OR4Q3: variants seen among roughly 807,000 people sequenced by gnomAD.
The protein encoded by OR4Q3 is olfactory receptor family 4 subfamily Q member 3, also known as olfactory receptor 4Q3.
Under a neutral mutation model 18.8 loss-of-function variants are expected in OR4Q3, and 17 were observed. The observed-to-expected ratio is 0.91, with a 90% CI of 0.62 to 1.36. The LOEUF (loss-of-function observed/expected upper bound fraction) is 1.36. Among genes scored for constraint, OR4Q3 ranks in the 40% most tolerant of loss-of-function variants. The pLI, the probability that OR4Q3 is intolerant of heterozygous loss-of-function variation, is 0.00. For synonymous variants in OR4Q3, 158 were observed against 145.8 expected (o/e 1.08, Z -0.60); for missense variants, 378 against 373.4 (o/e 1.01, Z -0.10).
exon 2 of OR4Q3, chr14:19,747,778 A>G: frequency 6.2e-7 from 1 of 1,614,036 alleles, no homozygotes; most frequent in Non-Finnish European, 8.5e-7. Flanking sequence ...TTTTGCTGAC[A>G]GTCATGGCCT....
downstream of OR4Q3, among the ~76,000 whole-genome samples, chr14:19,750,901 G>C: frequency 4.6e-5 from 7 of 152,230 alleles, no homozygotes; most frequent in Non-Finnish European, 1.0e-4. Context: ...CTGAAGAGCA[G>C]TATGATATCC....
chr14:19,747,528 T>C lies in OR4Q3; in HGVS notation c.125T>C (p.Phe42Ser). ...TTTCTCTTCTTACTATTTTTGTTTT[T>C]TTACATTGCTATTGTCCTGGGAAAC... is the stretch of plus-strand genomic sequence containing the variant. The change falls in exon 2 of 2, where the codon TTT (phenylalanine) becomes TCT (serine). Residue 42 changes from phenylalanine to serine, a missense_variant. Transcript: ENST00000642117. 28 of 1,613,624 alleles carry C rather than the reference T, an allele frequency of 1.7e-5. No individual in the cohort carries two copies. The African/African-American group carries it at 3.6e-4, about 21-fold the overall frequency.
At chr14:19,751,533 G>GTT, downstream of OR4Q3, among the ~76,000 whole-genome samples, 1 of 147,534 alleles carries the variant, frequency 6.8e-6, no homozygotes. Flanking sequence ...GGTTAGTAGA[G>GTT]TTTTTTTTTT....
chr14:19,749,995 T>A, downstream of OR4Q3, among the ~76,000 whole-genome samples: 1 of 151,392 alleles, frequency 6.6e-6, no homozygotes, highest in African/African-American at 2.4e-5. Context: ...CTTCTTCTTT[T>A]TTTTTTGAGA....
downstream of OR4Q3, among the ~76,000 whole-genome samples, chr14:19,752,157 A>G: frequency 2.4e-4 from 37 of 152,348 alleles, no homozygotes; most frequent in East Asian, 4.1e-3. Context: ...AACAAAACCA[A>G]AAATTGACAA....
chr14:19,748,704 C>A, exon 2 of OR4Q3: 1 of 259,580 alleles, frequency 3.9e-6, no homozygotes. Flanking sequence ...TTAATCTATT[C>A]AAATGAAAGA....
exon 2 of OR4Q3, chr14:19,748,324 G>A: frequency 1.2e-6 from 2 of 1,612,834 alleles, no homozygotes; most frequent in Non-Finnish European, 8.5e-7. Context: ...AGACAGCTAT[G>A]AAGAAGCTGA....
chr14:19,747,688 A>G lies in OR4Q3; in HGVS notation c.285A>G (p.Leu95=). ...TGCCAAAGATGTTAGGGGATTTCCT[A>G]CAGCAGGGCAAGAGCATCTCTTTTT... The change falls in exon 2 of 2, where the codon CTA becomes CTG. Residue 95 remains leucine (L), a synonymous_variant. Coordinates refer to ENST00000642117, the Ensembl canonical transcript of OR4Q3. 5 of 1,614,022 alleles carry G rather than the reference A, an allele frequency of 3.1e-6. No homozygotes were observed. In the East Asian group the frequency reaches 1.1e-4, roughly 36 times the overall value.
exon 2 of OR4Q3, chr14:19,747,910 C>T: frequency 6.2e-7 from 1 of 1,613,996 alleles, no homozygotes; most frequent in Non-Finnish European, 8.5e-7. Context: ...TCATGCAGGT[C>T]ATACTAGTCA....
Position 19,747,943 on chromosome 14 carries a change from C to T in OR4Q3, c.540C>T (p.Pro180=). 2.5e-6 allele frequency: 4 copies of T among 1,614,040 alleles called. No homozygotes were observed. In the East Asian group the frequency reaches 8.9e-5, roughly 36 times the overall value. The change falls in exon 2 of 2, where the codon CCC becomes CCT. Residue 180 remains proline (P), a synonymous_variant. Coordinates refer to ENST00000642117, the Ensembl canonical transcript of OR4Q3. Reference sequence around the variant, plus strand: ...TCATCCAGCTGCCTTTCTGTGGGCCCAATGAACTGGACAACTTCTACTGTG... The same window carrying T: ...TCATCCAGCTGCCTTTCTGTGGGCCTAATGAACTGGACAACTTCTACTGTG...
chr14:19,745,389 C>G, intron 1 of OR4Q3, among the ~76,000 whole-genome samples: 1 of 152,044 alleles, frequency 6.6e-6, no homozygotes, highest in Non-Finnish European at 1.5e-5. Context: ...TCTTTTCTTT[C>G]TCAGCATATG....
chr14:19,747,883 G>A, exon 2 of OR4Q3: 1 of 1,613,988 alleles, frequency 6.2e-7, no homozygotes, highest in East Asian at 2.2e-5. Context: ...GCTGGTGTGG[G>A]GGTTTTATCC....
downstream of OR4Q3, among the ~76,000 whole-genome samples, chr14:19,750,327 C>A: frequency 9.2e-5 from 14 of 152,288 alleles, no homozygotes; most frequent in African/African-American, 3.4e-4. Context: ...AGCTTCAGAG[C>A]TGGAAAATCC....
chr14:19,743,900 A>G (rs780352635), intron 1 of OR4Q3, among the ~76,000 whole-genome samples: 1 of 152,206 alleles, frequency 6.6e-6, no homozygotes, highest in Non-Finnish European at 1.5e-5. Flanking sequence ...GGCTAGTGGC[A>G]TCTTAGAAGA....
intron 1 of OR4Q3, among the ~76,000 whole-genome samples, chr14:19,745,868 C>T: frequency 3.9e-5 from 6 of 152,196 alleles, no homozygotes; most frequent in East Asian, 1.9e-4. Flanking sequence ...GAGGTGATTC[C>T]TTCTATCAGT....
intron 1 of OR4Q3, among the ~76,000 whole-genome samples, chr14:19,744,151 T>C (rs181470142): frequency 3.3e-5 from 5 of 152,336 alleles, no homozygotes; most frequent in Admixed American, 3.3e-4. Flanking sequence ...TGTTTCTTTC[T>C]CAATAGAGAA....
At chr14:19,749,356 T>C in exon 2 of OR4Q3, 5 of 152,386 alleles carry the variant, frequency 3.3e-5, no homozygotes, top group Admixed American at 3.3e-4. Flanking sequence ...CCCAGCACTT[T>C]GGGAGGCCAG....
At chr14:19,744,770 C>T in intron 1 of OR4Q3, among the ~76,000 whole-genome samples, 2 of 152,146 alleles carry the variant, frequency 1.3e-5, no homozygotes, top group Non-Finnish European at 2.9e-5. Context: ...TGTGGCTTTC[C>T]AAGCCCTGCA....
downstream of OR4Q3, among the ~76,000 whole-genome samples, chr14:19,751,395 G>C: frequency 6.6e-6 from 1 of 152,184 alleles, no homozygotes; most frequent in Non-Finnish European, 1.5e-5. Flanking sequence ...TAGCTTCATA[G>C]AATGAGTTAG....
Sources: allele counts gnomAD v4.1 joint callset (sites outside exome capture counted in the v4.1 genomes callset), GRCh38; gene constraint gnomAD v4.1.1; transcripts MANE v1.5; gene names NCBI Gene and HGNC (gene_info 2026-07-23, HGNC 2026-07-21).